Variants in INSL6 observed in about 807,000 individuals in gnomAD.
The protein encoded by INSL6 is insulin like 6, also known as insulin-like peptide INSL6.
INSL6 carries 16 observed loss-of-function variants against 9.4 expected under a neutral mutation model. That is an observed-to-expected ratio of 1.70 (90% CI 1.15 to 2.59). The LOEUF is 2.59. INSL6 is among the 30% of genes most tolerant of loss of function. The pLI is 0.00. For missense variants in INSL6, 391 were observed against 257.3 expected (o/e 1.52, Z -3.56); for synonymous variants, 154 against 96.9 (o/e 1.59, Z -3.46).
the INSL6 span, chr9:5,021,924 C>T: frequency 1.0e-5 from 13 of 1,242,544 alleles, no homozygotes; most frequent in African/African-American, 3.0e-5. Flanking sequence ...TGAGACACTG[C>T]GCCCAGCCCA....
At chr9:5,111,925 C>G in the INSL6 span, 7 of 350,020 alleles carry the variant, frequency 2.0e-5, no homozygotes, top group Admixed American at 3.6e-5. Context: ...TCAATCTACT[C>G]TCCGGATCAC....
the INSL6 span, chr9:5,054,729 C>A: frequency 1.9e-6 from 3 of 1,613,340 alleles, no homozygotes; most frequent in Non-Finnish European, 2.5e-6. This position sits in a 1 kb window ranked among gnomAD's most constrained non-coding sequence, Gnocchi z 4.9. Flanking sequence ...TCTGGAAACT[C>A]TGCAGTCTGC....
At chr9:5,154,563 C>A (rs1824779139) in intron 2 of INSL6, among the ~76,000 whole-genome samples, 2 of 152,162 alleles carry the variant, frequency 1.3e-5, no homozygotes, top group Non-Finnish European at 2.9e-5. Context: ...AAAATTTTTG[C>A]AATCTACTCA....
chr9:5,045,640 G>T, the INSL6 span, among the ~76,000 whole-genome samples: 6 of 152,008 alleles, frequency 3.9e-5, no homozygotes, highest in Admixed American at 3.9e-4. Flanking sequence ...CCTTTTCTAT[G>T]TACCTCATAC....
chr9:5,118,612 G>C, the INSL6 span, among the ~76,000 whole-genome samples: 3 of 152,126 alleles, frequency 2.0e-5, no homozygotes, highest in East Asian at 3.8e-4. Flanking sequence ...TTCTATAATG[G>C]GACAAGATTA....
At chr9:5,009,774 A>C in the INSL6 span, among the ~76,000 whole-genome samples, 1 of 151,554 alleles carries the variant, frequency 6.6e-6, no homozygotes, top group Non-Finnish European at 1.5e-5. Flanking sequence ...CTTCAGTTAA[A>C]ATTTTTTTTT....
At chr9:5,093,709 G>C in the INSL6 span, among the ~76,000 whole-genome samples, 2 of 152,058 alleles carry the variant, frequency 1.3e-5, no homozygotes, top group African/African-American at 2.4e-5. Context: ...CCAATAATTT[G>C]ATCAACAGAA....
At chr9:4,994,652 AGACGTGGCTCATG>A in the INSL6 span, among the ~76,000 whole-genome samples, 1 of 152,244 alleles carries the variant, frequency 6.6e-6, no homozygotes, top group Non-Finnish European at 1.5e-5. Context: ...GTAAATGAAC[AGACGTGGCTCATG>A]GCTGTGTTCT....
the INSL6 span, among the ~76,000 whole-genome samples, chr9:5,055,291 T>G: frequency 4.6e-5 from 7 of 152,022 alleles, no homozygotes. Flanking sequence ...GCATTGCAAG[T>G]TTTGAATTTG....
At position 5,169,214 on chromosome 9, in the gene INSL6, C is replaced by T. The variant is rs575532398; in HGVS notation, c.290-4949G>A. Among the ~76,000 whole-genome samples, 6 of 152,336 alleles carry T rather than the reference C, an allele frequency of 3.9e-5. No individual in the cohort carries two copies. In the South Asian group the frequency reaches 1.2e-3, roughly 32 times the overall value. On this transcript the variant is annotated intron_variant, in intron 1 of 1. Transcript: ENST00000381641. ...GTGCTGGGATTACAGGCATGAGCCACTGCACCCAGCAGATATTCTTAAATA... is the reference window on the plus strand; with the variant it reads ...GTGCTGGGATTACAGGCATGAGCCATTGCACCCAGCAGATATTCTTAAATA...
the INSL6 span, among the ~76,000 whole-genome samples, chr9:4,997,997 C>G: frequency 6.6e-6 from 1 of 151,996 alleles, no homozygotes; most frequent in Non-Finnish European, 1.5e-5. Flanking sequence ...CAGTGTTCTT[C>G]TAGCATGGCA....
At chr9:5,151,126 G>A (rs534696740) in intron 2 of INSL6, among the ~76,000 whole-genome samples, 1 of 152,188 alleles carries the variant, frequency 6.6e-6, no homozygotes, top group African/African-American at 2.4e-5. Flanking sequence ...ATTAACTAAT[G>A]GGTACAGTGT....
chr9:5,068,158 C>G, the INSL6 span, among the ~76,000 whole-genome samples: 1 of 77,534 alleles, frequency 1.3e-5, no homozygotes, highest in Non-Finnish European at 2.5e-5. Context: ...GACACGGTCT[C>G]AAAAAAAAAC....
chr9:4,998,520 G>A, the INSL6 span, among the ~76,000 whole-genome samples: 127 of 152,258 alleles, frequency 8.3e-4, no homozygotes, highest in Admixed American at 4.2e-3. Context: ...CTCCCAAAGT[G>A]CTGGGATTAC....
chr9:5,086,927 AC>A, the INSL6 span, among the ~76,000 whole-genome samples: 2 of 151,436 alleles, frequency 1.3e-5, no homozygotes, highest in African/African-American at 2.4e-5. Context: ...CAATTATATC[AC>A]CCCCCCTTCC....
the INSL6 span, among the ~76,000 whole-genome samples, chr9:5,056,530 A>G: frequency 2.0e-5 from 3 of 152,144 alleles, no homozygotes; most frequent in African/African-American, 4.8e-5. Context: ...AACTCACTTA[A>G]TTCAGCATAG....
At chr9:5,041,449 C>A in the INSL6 span, 2 of 616,784 alleles carry the variant, frequency 3.2e-6, no homozygotes, top group Non-Finnish European at 6.2e-6. Context: ...GCAGCAGCCT[C>A]CCCTGGCAGG....
chr9:5,076,337 A>G, the INSL6 span, among the ~76,000 whole-genome samples: 1 of 152,172 alleles, frequency 6.6e-6, no homozygotes, highest in East Asian at 1.9e-4. Context: ...CATGAAAGGA[A>G]GAGTCTGCAG....
the INSL6 span, chr9:5,094,802 G>A: frequency 6.6e-6 from 1 of 152,080 alleles, no homozygotes; most frequent in Non-Finnish European, 1.5e-5. Context: ...TTTTCTAGGA[G>A]TACTACACAC....
Sources: allele counts gnomAD v4.1 joint callset (sites outside exome capture counted in the v4.1 genomes callset), GRCh38; gene constraint gnomAD v4.1.1; non-coding constraint Gnocchi (gnomAD v3.1); transcripts MANE v1.5; gene names NCBI Gene and HGNC (gene_info 2026-07-23, HGNC 2026-07-21).